MALRD1: variants seen among roughly 807,000 people sequenced by gnomAD.
The protein encoded by MALRD1 is MAM and LDL-receptor class A domain-containing protein 1.
A neutral mutation model predicts 242.1 loss-of-function variants in MALRD1; 247 were observed. The ratio of observed to expected loss-of-function variants is 1.02; its 90% CI spans 0.92 to 1.13. The LOEUF is 1.13. Ranked by LOEUF, MALRD1 falls within the 50% of genes most tolerant of loss-of-function variation. The pLI is 0.00. For missense variants in MALRD1, 2,989 were observed against 2,533.1 expected, an observed-to-expected ratio of 1.18 and a Z score of -3.86; for synonymous variants, 995 against 866.6, an observed-to-expected ratio of 1.15 and a Z score of -2.60.
Position 19,387,511 on chromosome 10 carries a change from C to CTTTTG in MALRD1, c.4442-7_4442-3dup, listed in dbSNP as rs909776236. 7 of 1,546,640 alleles carry CTTTTG rather than the reference C, an allele frequency of 4.5e-6. No homozygotes were observed. The African/African-American group carries it at 8.2e-5, about 18-fold the overall frequency. On this transcript the variant is annotated splice_polypyrimidine_tract_variant and intron_variant, in intron 26 of 39. Coordinates refer to ENST00000454679, the MANE Select transcript of MALRD1 (RefSeq NM_001142308.3). Reference sequence around the variant, plus strand: ...AGGAGTGTTCGCTCATTCTTGTTTTCTTTTGTTTTGTTTTAGGTTTCTGCC... The same window carrying CTTTTG: ...AGGAGTGTTCGCTCATTCTTGTTTTCTTTTGTTTTGTTTTGTTTTAGGTTTCTGCC...
chr10:19,596,897 G>A (rs1838126859), intron 34 of MALRD1, among the ~76,000 whole-genome samples: 1 of 151,668 alleles, frequency 6.6e-6, no homozygotes, highest in African/African-American at 2.4e-5. Flanking sequence ...AGGAAGGAAA[G>A]ATGGAAAGAT....
At chr10:19,509,973 T>C (rs1228838217) in intron 31 of MALRD1, among the ~76,000 whole-genome samples, 1 of 152,148 alleles carries the variant, frequency 6.6e-6, no homozygotes, top group African/African-American at 2.4e-5. Context: ...GTCTCTGAGT[T>C]CCCTCAGTAT....
chr10:19,528,608 T>G (rs1220272166), intron 31 of MALRD1, among the ~76,000 whole-genome samples: 1 of 151,968 alleles, frequency 6.6e-6, no homozygotes, highest in Non-Finnish European at 1.5e-5. Flanking sequence ...AATAAAGAAA[T>G]AAAAATAAAT....
intron 2 of MALRD1, among the ~76,000 whole-genome samples, chr10:19,086,169 G>A (rs958140292): frequency 7.2e-5 from 11 of 152,086 alleles, no homozygotes; most frequent in Middle Eastern, 3.4e-3. Flanking sequence ...ATAAGCAATC[G>A]TTAATATCAC....
At chr10:19,730,072 GA>G (rs1385973051) in intron 38 of MALRD1, among the ~76,000 whole-genome samples, 1 of 152,152 alleles carries the variant, frequency 6.6e-6, no homozygotes, top group Non-Finnish European at 1.5e-5. Context: ...AGTATAAAAG[GA>G]AAATAATCAT....
At chr10:19,334,138 T>C (rs1345244983) in intron 24 of MALRD1, among the ~76,000 whole-genome samples, 1 of 149,128 alleles carries the variant, frequency 6.7e-6, no homozygotes, top group East Asian at 2.0e-4. Flanking sequence ...TTTTTTTTTT[T>C]TTTTCTGTGC....
chr10:19,255,410 G>A (rs1023748356), intron 18 of MALRD1, among the ~76,000 whole-genome samples: 1 of 151,826 alleles, frequency 6.6e-6, no homozygotes, highest in Non-Finnish European at 1.5e-5. Flanking sequence ...AGGCATTTGG[G>A]TTTATTCTTT....
At chr10:19,107,181 G>T (rs991569574) in intron 5 of MALRD1, among the ~76,000 whole-genome samples, 1 of 151,828 alleles carries the variant, frequency 6.6e-6, no homozygotes, top group South Asian at 2.1e-4. Flanking sequence ...ATGTTTCTTT[G>T]TTCATTTTCT....
intron 36 of MALRD1, among the ~76,000 whole-genome samples, chr10:19,636,348 G>C (rs1840124378): frequency 6.6e-6 from 1 of 152,112 alleles, no homozygotes; most frequent in African/African-American, 2.4e-5. Context: ...TCCTTGGTAA[G>C]TATTTAAGCA....
intron 36 of MALRD1, among the ~76,000 whole-genome samples, chr10:19,616,708 G>A (rs1318794244): frequency 1.3e-5 from 2 of 152,038 alleles, no homozygotes; most frequent in Non-Finnish European, 2.9e-5. Context: ...TGTTTGAGTC[G>A]TTATTCCTGT....
chr10:19,446,615 A>G lies in MALRD1; in HGVS notation c.4846-3692A>G, dbSNP rs536204938. Among the ~76,000 whole-genome samples, 45 of 152,342 alleles carry G rather than the reference A, an allele frequency of 3.0e-4. No individual in the cohort carries two copies. In the South Asian group the frequency reaches 7.7e-3, roughly 26 times the overall value. On this transcript the variant is annotated intron_variant, in intron 28 of 39. Coordinates refer to ENST00000454679, the MANE Select transcript of MALRD1 (RefSeq NM_001142308.3). ...CAGCCCATAAAGGAAAGACTGGCATAAAGTATGAAGACAAACACACTATAA... is the reference window on the plus strand; with the variant it reads ...CAGCCCATAAAGGAAAGACTGGCATGAAGTATGAAGACAAACACACTATAA...
intron 33 of MALRD1, among the ~76,000 whole-genome samples, chr10:19,588,376 C>T (rs1013110708): frequency 6.6e-6 from 1 of 152,164 alleles, no homozygotes; most frequent in Non-Finnish European, 1.5e-5. Context: ...GCCATTTACT[C>T]TTTTGGGCAT....
chr10:19,450,317 G>C lies in MALRD1; in HGVS notation c.4856G>C (p.Gly1619Ala), dbSNP rs765153261. ...SIQILIKTEK[G>A]LSKVWQESKQ... ...CTTCTTTACTTTCAGACAGAGAAAG[G>C]ACTATCAAAAGTATGGCAAGAAAGT... The change falls in exon 29 of 40, where the codon GGA becomes GCA. Residue 1619 changes from glycine (G) to alanine (A), a missense_variant. Coordinates refer to ENST00000454679, the MANE Select transcript of MALRD1 (RefSeq NM_001142308.3). 4.1e-5 allele frequency: 63 copies of C among 1,547,846 alleles called. 1 individual carries two copies. The highest frequency in any genetic ancestry group is 1.0e-5 in the Non-Finnish European group (12 of 1,146,546).
intron 31 of MALRD1, among the ~76,000 whole-genome samples, chr10:19,526,478 T>A (rs1834105948): frequency 6.6e-6 from 1 of 152,032 alleles, no homozygotes; most frequent in African/African-American, 2.4e-5. Flanking sequence ...TTTGCAATGG[T>A]GTCTTTTAAA....
chr10:19,218,617 A>G (rs139507362), intron 18 of MALRD1, among the ~76,000 whole-genome samples: 113 of 152,294 alleles, frequency 7.4e-4, no homozygotes, highest in African/African-American at 2.3e-3. Flanking sequence ...ATTTATAAGC[A>G]GAAAGGAGTT....
At chr10:19,356,010 G>A (rs1017982281) in intron 26 of MALRD1, among the ~76,000 whole-genome samples, 4 of 150,452 alleles carry the variant, frequency 2.7e-5, no homozygotes, top group Non-Finnish European at 5.9e-5. Flanking sequence ...AGTGTAATTC[G>A]GTGGAGACAA....
chr10:19,688,561 C>A (rs1230033164), intron 36 of MALRD1, among the ~76,000 whole-genome samples: 1 of 152,120 alleles, frequency 6.6e-6, no homozygotes, highest in Admixed American at 6.6e-5. Context: ...ATGCCCAGCC[C>A]TAATGATTCT....
chr10:19,356,181 T>C (rs1157622963), intron 26 of MALRD1, among the ~76,000 whole-genome samples: 1 of 151,972 alleles, frequency 6.6e-6, no homozygotes, highest in Admixed American at 6.6e-5. Flanking sequence ...TGTATATCTA[T>C]ATCATTTGTA....
chr10:19,396,859 C>T (rs1281421763), intron 28 of MALRD1, among the ~76,000 whole-genome samples: 3 of 152,192 alleles, frequency 2.0e-5, no homozygotes, highest in African/African-American at 4.8e-5. Context: ...TTGCCAGCAT[C>T]TAGTAACAGT....
Sources: allele counts gnomAD v4.1 joint callset (sites outside exome capture counted in the v4.1 genomes callset), GRCh38; gene constraint gnomAD v4.1.1; transcripts MANE v1.5; gene names NCBI Gene and HGNC (gene_info 2026-07-23, HGNC 2026-07-21).